Variants in MCTP1 observed in about 807,000 individuals in gnomAD.
MCTP1 encodes the protein multiple C2 and transmembrane domain-containing protein 1.
MCTP1 carries 69 observed loss-of-function variants against 120.6 expected under a neutral mutation model. That is an observed-to-expected ratio of 0.57 (90% CI 0.47 to 0.70). MCTP1 has a LOEUF of 0.70. Among genes scored for constraint, MCTP1 ranks in the 30% least tolerant of loss-of-function variants. The pLI, the probability that MCTP1 is intolerant of heterozygous loss-of-function variation, is 0.00. For missense variants in MCTP1, 1,203 were observed against 1,248.8 expected (o/e 0.96, Z 0.55); for synonymous variants, 529 against 493.1 (o/e 1.07, Z -0.96).
intron 1 of MCTP1, chr5:95,038,122 C>G (rs1211956783): frequency 1.0e-6 from 1 of 985,034 alleles, no homozygotes; most frequent in African/African-American, 1.7e-5. Flanking sequence ...AGGTGCACAG[C>G]TGTGGATGGA....
At chr5:95,240,636 CTT>C (rs376826623) in intron 1 of MCTP1, among the ~76,000 whole-genome samples, 27 of 152,274 alleles carry the variant, frequency 1.8e-4, no homozygotes, top group African/African-American at 6.3e-4. Context: ...ATTCAACAGA[CTT>C]TTAAAAATAT....
At chr5:94,836,349 T>TG (rs917428227) in intron 17 of MCTP1, among the ~76,000 whole-genome samples, 5 of 152,202 alleles carry the variant, frequency 3.3e-5, no homozygotes, top group Admixed American at 2.6e-4. Context: ...ACTATACAGC[T>TG]GGGGGAGAAA....
chr5:95,224,841 T>C (rs1294172057), intron 1 of MCTP1, among the ~76,000 whole-genome samples: 1 of 152,160 alleles, frequency 6.6e-6, no homozygotes, highest in Non-Finnish European at 1.5e-5. Context: ...CCCAATCATT[T>C]GTTTTCTTCC....
rs1483277558 is a variant in MCTP1 at position 95,193,774 on chromosome 5, G to C, written c.720+90082C>G. ...AGTAATATACATATGGATATCACAG[G>C]AGTGGTGACAGGTAGATAAAATTTA... On this transcript the variant is annotated intron_variant, in intron 1 of 22. Coordinates refer to ENST00000515393, the MANE Select transcript of MCTP1 (RefSeq NM_024717.7). 3.3e-5 allele frequency among the ~76,000 whole-genome samples: 5 copies of C among 152,304 alleles called. No individual in the cohort carries two copies. In the South Asian group the frequency reaches 1.0e-3, roughly 32 times the overall value.
At chr5:94,872,509 GT>G (rs1469352340) in intron 13 of MCTP1, among the ~76,000 whole-genome samples, 2 of 152,026 alleles carry the variant, frequency 1.3e-5, no homozygotes, top group African/African-American at 2.4e-5. Context: ...AAGTACTTCT[GT>G]TTGGAGAATT....
intron 2 of MCTP1, among the ~76,000 whole-genome samples, chr5:94,954,405 G>A (rs974844110): frequency 2.6e-5 from 4 of 151,522 alleles, no homozygotes; most frequent in Non-Finnish European, 4.4e-5. Flanking sequence ...GATTCCAAAA[G>A]GTAGGAGGAT....
At chr5:94,794,537 T>C (rs1779626132) in intron 18 of MCTP1, among the ~76,000 whole-genome samples, 1 of 152,226 alleles carries the variant, frequency 6.6e-6, no homozygotes. Context: ...TGCCCATGCA[T>C]GTAGCATAGA....
chr5:94,930,193 T>C, intron 6 of MCTP1, among the ~76,000 whole-genome samples: 1 of 151,266 alleles, frequency 6.6e-6, no homozygotes, highest in East Asian at 1.9e-4. Flanking sequence ...AAATATGTTA[T>C]ATATTTTTAC....
chr5:95,036,134 A>T (rs1262664864), intron 1 of MCTP1, among the ~76,000 whole-genome samples: 8 of 152,288 alleles, frequency 5.3e-5, no homozygotes, highest in Non-Finnish European at 1.0e-4. Flanking sequence ...CAACTCTCAG[A>T]GGGATAGTCT....
intron 20 of MCTP1, among the ~76,000 whole-genome samples, chr5:94,713,846 T>TAA (rs1300646682): frequency 6.6e-6 from 1 of 152,210 alleles, no homozygotes; most frequent in Non-Finnish European, 1.5e-5. Flanking sequence ...ACCTTTAGTT[T>TAA]AAATAATTTA....
At chr5:95,035,851 T>C (rs563701296) in intron 1 of MCTP1, among the ~76,000 whole-genome samples, 1 of 152,266 alleles carries the variant, frequency 6.6e-6, no homozygotes, top group East Asian at 1.9e-4. Context: ...CATATAGTAC[T>C]GCTAATGTTC....
At chr5:95,234,867 T>C (rs1488262904) in intron 1 of MCTP1, among the ~76,000 whole-genome samples, 1 of 152,030 alleles carries the variant, frequency 6.6e-6, no homozygotes, top group Non-Finnish European at 1.5e-5. Context: ...CACAAAAAAA[T>C]TCAAGGCCCA....
intron 2 of MCTP1, among the ~76,000 whole-genome samples, chr5:95,010,472 A>G (rs1289428643): frequency 6.6e-6 from 1 of 152,190 alleles, no homozygotes; most frequent in African/African-American, 2.4e-5. Context: ...ACATAATACT[A>G]TCTATCTAAT....
chr5:95,034,562 T>C (rs909300402), intron 1 of MCTP1, among the ~76,000 whole-genome samples: 2 of 151,804 alleles, frequency 1.3e-5, no homozygotes, highest in African/African-American at 4.8e-5. Flanking sequence ...TCATCATATA[T>C]AAAAATTTAT....
chr5:94,845,297 G>C (rs1480479056), intron 17 of MCTP1, among the ~76,000 whole-genome samples: 1 of 152,176 alleles, frequency 6.6e-6, no homozygotes, highest in Non-Finnish European at 1.5e-5. Flanking sequence ...TTACGTGGCA[G>C]CAGGCAAAAG....
At chr5:95,208,463 A>T (rs1259095878) in intron 1 of MCTP1, among the ~76,000 whole-genome samples, 46 of 152,330 alleles carry the variant, frequency 3.0e-4, no homozygotes, top group African/African-American at 1.1e-3. Context: ...GCAACACTGT[A>T]CAGAAGTATT....
chr5:95,142,638 T>C (rs1760031080), intron 1 of MCTP1, among the ~76,000 whole-genome samples: 1 of 152,172 alleles, frequency 6.6e-6, no homozygotes, highest in Admixed American at 6.5e-5. Flanking sequence ...ATTAAACCTC[T>C]GTTGAATAAA....
At chr5:95,248,951 C>T (rs1467954605) in intron 1 of MCTP1, among the ~76,000 whole-genome samples, 1 of 152,148 alleles carries the variant, frequency 6.6e-6, no homozygotes, top group Admixed American at 6.5e-5. Flanking sequence ...GGAAAACTGG[C>T]TAACCATAGG....
intron 1 of MCTP1, among the ~76,000 whole-genome samples, chr5:95,261,312 G>A (rs1318554851): frequency 1.3e-5 from 2 of 152,140 alleles, no homozygotes; most frequent in Non-Finnish European, 2.9e-5. Context: ...TATATGAATA[G>A]TATGCAGTGG....
Sources: allele counts gnomAD v4.1 joint callset (sites outside exome capture counted in the v4.1 genomes callset), GRCh38; gene constraint gnomAD v4.1.1; transcripts MANE v1.5; gene names NCBI Gene and HGNC (gene_info 2026-07-23, HGNC 2026-07-21).